Variants in CDKAL1 observed in about 807,000 individuals in gnomAD.
CDKAL1 encodes the protein threonylcarbamoyladenosine tRNA methylthiotransferase.
CDKAL1 carries 32 observed loss-of-function variants against 68.2 expected under a neutral mutation model. The ratio of observed to expected loss-of-function variants is 0.47; its 90% CI spans 0.35 to 0.63. The LOEUF is 0.63. Ranked by LOEUF, CDKAL1 falls within the 30% of genes least tolerant of loss-of-function variation. The pLI is 0.00. For synonymous variants in CDKAL1, 234 were observed against 244.3 expected (o/e 0.96, Z 0.39); for missense variants, 606 against 696.7 (o/e 0.87, Z 1.47).
chr6:20,721,144 G>A (rs1419650216), intron 5 of CDKAL1, among the ~76,000 whole-genome samples: 14 of 145,802 alleles, frequency 9.6e-5, no homozygotes, highest in African/African-American at 3.3e-4. Context: ...CCGGTGTGTG[G>A]TGTTCCCCAC....
At chr6:20,970,090 A>C (rs189652235) in intron 10 of CDKAL1, among the ~76,000 whole-genome samples, 8 of 152,308 alleles carry the variant, frequency 5.3e-5, no homozygotes, top group African/African-American at 9.6e-5. Context: ...GTGCCAGGTC[A>C]GGTTAAATAA....
intron 13 of CDKAL1, among the ~76,000 whole-genome samples, chr6:21,173,561 A>G (rs1440212484): frequency 2.6e-5 from 4 of 152,182 alleles, no homozygotes; most frequent in East Asian, 3.9e-4. Context: ...CACATTTTCT[A>G]TTTTGTTTAG....
chr6:21,150,138 G>A (rs1193357523), intron 13 of CDKAL1, among the ~76,000 whole-genome samples: 2 of 152,140 alleles, frequency 1.3e-5, no homozygotes, highest in African/African-American at 2.4e-5. Context: ...GATTACAGGC[G>A]GGAGCCACCG....
At chr6:20,860,630 C>T (rs1237790948) in intron 9 of CDKAL1, among the ~76,000 whole-genome samples, 1 of 151,840 alleles carries the variant, frequency 6.6e-6, no homozygotes, top group Non-Finnish European at 1.5e-5. Flanking sequence ...TCGAGACCAT[C>T]GTGGCCAACA....
At chr6:20,570,455 C>T (rs1413947873) in intron 4 of CDKAL1, among the ~76,000 whole-genome samples, 4 of 151,812 alleles carry the variant, frequency 2.6e-5, no homozygotes, top group Non-Finnish European at 5.9e-5. Context: ...GGCTGGAGTG[C>T]AGTGGCGTGA....
chr6:21,198,445 A>C (rs1015775605), intron 14 of CDKAL1, among the ~76,000 whole-genome samples: 1 of 152,142 alleles, frequency 6.6e-6, no homozygotes, highest in African/African-American at 2.4e-5. Flanking sequence ...CACAGGAAGG[A>C]TGTCTGCATG....
At chr6:21,070,395 C>CTT (rs1206700110) in intron 12 of CDKAL1, among the ~76,000 whole-genome samples, 1 of 37,102 alleles carries the variant, frequency 2.7e-5, no homozygotes, top group Non-Finnish European at 4.3e-5. Flanking sequence ...CTTTTTGTTT[C>CTT]TCTCTTTTTT....
chr6:20,807,259 G>T (rs377107093), intron 8 of CDKAL1, among the ~76,000 whole-genome samples: 1 of 151,148 alleles, frequency 6.6e-6, no homozygotes, highest in African/African-American at 2.4e-5. Flanking sequence ...GTCTCGCTGT[G>T]TTGCCCCAGG....
chr6:21,003,343 A>AAT (rs71540608), intron 11 of CDKAL1, among the ~76,000 whole-genome samples: 1,072 of 40,426 alleles, frequency 0.027, 117 homozygotes, highest in African/African-American at 0.051. Flanking sequence ...ATCTCTACTA[A>AAT]ATATATATAT....
intron 4 of CDKAL1, among the ~76,000 whole-genome samples, chr6:20,603,118 T>C (rs1226683631): frequency 1.3e-5 from 2 of 152,230 alleles, no homozygotes; most frequent in African/African-American, 4.8e-5. Flanking sequence ...GTGTATTATT[T>C]GGTTCTGGCA....
intron 12 of CDKAL1, among the ~76,000 whole-genome samples, chr6:21,075,512 A>G (rs1487506700): frequency 3.3e-5 from 5 of 152,186 alleles, no homozygotes; most frequent in African/African-American, 1.2e-4. Flanking sequence ...TCTTAACTTT[A>G]TAATGAAAAT....
At chr6:20,960,834 T>C (rs1334803371) in intron 10 of CDKAL1, among the ~76,000 whole-genome samples, 1 of 152,252 alleles carries the variant, frequency 6.6e-6, no homozygotes, top group Non-Finnish European at 1.5e-5. Flanking sequence ...GGATGCGTTA[T>C]GTTTATTTGC....
intron 11 of CDKAL1, among the ~76,000 whole-genome samples, chr6:21,058,740 C>T (rs1055250672): frequency 2.0e-5 from 3 of 152,170 alleles, no homozygotes; most frequent in Non-Finnish European, 4.4e-5. Context: ...GGAGGTGTCA[C>T]CAGTGGGGGC....
At chr6:21,222,618 C>A (rs1360888641) in intron 15 of CDKAL1, among the ~76,000 whole-genome samples, 5 of 152,048 alleles carry the variant, frequency 3.3e-5, no homozygotes, top group African/African-American at 4.8e-5. Flanking sequence ...TGGGGAATGT[C>A]TAGAAGAATA....
At chr6:20,822,485 T>G (rs1207282247) in intron 8 of CDKAL1, among the ~76,000 whole-genome samples, 4 of 152,106 alleles carry the variant, frequency 2.6e-5, no homozygotes, top group Non-Finnish European at 5.9e-5. Context: ...CGGATAACAG[T>G]TCTTGAATCA....
chr6:20,550,141 G>T (rs572049292), intron 4 of CDKAL1, among the ~76,000 whole-genome samples: 84 of 152,090 alleles, frequency 5.5e-4, no homozygotes, highest in South Asian at 2.3e-3. Flanking sequence ...ACCACACCAG[G>T]CTAATTTTTT....
At chr6:21,022,460 G>A (rs182910390) in intron 11 of CDKAL1, among the ~76,000 whole-genome samples, 1 of 152,302 alleles carries the variant, frequency 6.6e-6, no homozygotes, top group African/African-American at 2.4e-5. Flanking sequence ...ATTGTGGCAG[G>A]AACTCAGCTA....
Position 20,741,549 on chromosome 6 carries a change from A to C in CDKAL1, c.468+1934A>C, listed in dbSNP as rs542774622. ...TCTCATCATGTAGCTCCCACTTAAA[A>C]ATGAGAATGTATGGTATTTGGTTTT... On this transcript the variant is annotated intron_variant, in intron 6 of 15. Coordinates refer to ENST00000274695, the MANE Select transcript of CDKAL1 (RefSeq NM_017774.3). 2.0e-5 allele frequency among the ~76,000 whole-genome samples: 3 copies of C among 152,236 alleles called. No individual in the cohort carries two copies. The South Asian group carries it at 6.2e-4, about 32-fold the overall frequency.
At chr6:20,892,264 T>TGG (rs369190637) in intron 9 of CDKAL1, among the ~76,000 whole-genome samples, 132 of 152,176 alleles carry the variant, frequency 8.7e-4, no homozygotes, top group African/African-American at 3.1e-3. Context: ...GAGACTGAAG[T>TGG]GGGGACTCCT....
Sources: allele counts gnomAD v4.1 joint callset (sites outside exome capture counted in the v4.1 genomes callset), GRCh38; gene constraint gnomAD v4.1.1; transcripts MANE v1.5; gene names NCBI Gene and HGNC (gene_info 2026-07-23, HGNC 2026-07-21).